The following SLC26A3 variants were observed in gnomAD, a reference collection of about 807,000 sequenced individuals.
SLC26A3 encodes chloride anion exchanger.
Under a neutral mutation model 85.6 loss-of-function variants are expected in SLC26A3, and 64 were observed. The observed-to-expected ratio is 0.75, with a 90% CI of 0.61 to 0.92. The LOEUF is 0.92. Ranked by LOEUF, SLC26A3 falls within the 40% of genes least tolerant of loss-of-function variation. SLC26A3 has a pLI of 0.00. For missense variants in SLC26A3, 922 were observed against 927.3 expected, an observed-to-expected ratio of 0.99 and a Z score of 0.07; for synonymous variants, 349 against 336.0, an observed-to-expected ratio of 1.04 and a Z score of -0.42.
At chr7:107,802,254 G>A (rs377499572) in intron 1 of SLC26A3, among the ~76,000 whole-genome samples, 7 of 151,904 alleles carry the variant, frequency 4.6e-5, no homozygotes, top group Admixed American at 2.0e-4. Flanking sequence ...ATCTTTTCCT[G>A]ACATTTTAAA....
rs386833490 is a variant in SLC26A3 at position 107,786,883 on chromosome 7, G to T, written c.915C>A (p.Tyr305Ter). The change falls in exon 8 of 21, where the codon TAC becomes TAA. Residue 305 changes from tyrosine (Y) to a stop codon, truncating the protein, a stop_gained. Transcript: ENST00000340010. LOFTEE classifies it high-confidence loss of function. ...TAAACCTGTTTTTAAAGTCACAGCCGTAGGATACACCTGCTGCAATCACGG... is the reference window on the plus strand; with the variant it reads ...TAAACCTGTTTTTAAAGTCACAGCCTTAGGATACACCTGCTGCAATCACGG... Reference protein sequence around the residue: ...IMTVIAAGVSYGCDFKNRFKV... With the variant: ...IMTVIAAGVS The T allele has an allele frequency of 1.2e-6, 2 of 1,613,914 alleles. No homozygotes were observed. The highest frequency in any genetic ancestry group is 1.7e-6 in the Non-Finnish European group (2 of 1,180,002).
intron 18 of SLC26A3, among the ~76,000 whole-genome samples, chr7:107,770,177 T>TGA (rs1794000327): frequency 7.8e-5 from 1 of 12,880 alleles, no homozygotes; most frequent in Admixed American, 9.5e-4. Context: ...TTTTTTTTTT[T>TGA]TTTTAAAAAA....
At chr7:107,789,823 G>A (rs1794362782) in intron 5 of SLC26A3, 135 bp from the exon 6 acceptor site, 1 of 914,740 alleles carries the variant, frequency 1.1e-6, no homozygotes, top group Non-Finnish European at 1.7e-6. Context: ...AGAAGCAAAT[G>A]TCCCTGCCTC....
chr7:107,771,715 C>A (rs542003856), intron 18 of SLC26A3, among the ~76,000 whole-genome samples: 1 of 152,206 alleles, frequency 6.6e-6, no homozygotes, highest in Non-Finnish European at 1.5e-5. Flanking sequence ...TGAAGCTCAA[C>A]CAAATTGTTA....
intron 6 of SLC26A3, among the ~76,000 whole-genome samples, chr7:107,788,784 C>CTTTTTTTTTTTT (rs71861759): frequency 8.1e-4 from 88 of 107,986 alleles, no homozygotes; most frequent in Middle Eastern, 5.8e-3. Context: ...TTTTTCTTTT[C>CTTTTTTTTTTTT]TTTTTTTTTT....
chr7:107,800,986 G>A (rs1264382314), intron 1 of SLC26A3, among the ~76,000 whole-genome samples: 1 of 152,172 alleles, frequency 6.6e-6, no homozygotes, highest in African/African-American at 2.4e-5. Flanking sequence ...TTAGAGAAAT[G>A]TTGGGATGCA....
At chr7:107,772,750 C>A (rs1215041010) in intron 17 of SLC26A3, among the ~76,000 whole-genome samples, 1 of 151,232 alleles carries the variant, frequency 6.6e-6, no homozygotes, top group African/African-American at 2.4e-5. Context: ...CTGCTAGAAC[C>A]AAAAAATAAA....
At chr7:107,791,323 C>A in intron 4 of SLC26A3, 88 bp from the exon 5 acceptor site, 1 of 1,407,448 alleles carries the variant, frequency 7.1e-7, no homozygotes, top group Non-Finnish European at 1.0e-6. Context: ...TATAAAATGA[C>A]TGGCAAGGCT....
rs764076141 is a variant in SLC26A3 at position 107,782,972 on chromosome 7, T to G, written c.1233+8A>C. The stretch of plus-strand genomic sequence containing the variant: ...AGGACAGTGCTTGCAGCAAAGATCT[T>G]GACATACCTGTGTTTTGCCTCCTGT... On this transcript the variant is annotated splice_region_variant and intron_variant, in intron 10 of 20. Transcript: ENST00000340010. 6.2e-7 allele frequency: 1 copy of G among 1,613,854 alleles called. No homozygotes were observed.
chr7:107,797,461 T>C (rs1794526589), intron 1 of SLC26A3, among the ~76,000 whole-genome samples: 1 of 151,842 alleles, frequency 6.6e-6, no homozygotes, highest in African/African-American at 2.4e-5. Context: ...GCCCCTGCAC[T>C]CCAGCCTGGG....
At chr7:107,775,553 C>T (rs1422213647) in intron 15 of SLC26A3, among the ~76,000 whole-genome samples, 4 of 151,650 alleles carry the variant, frequency 2.6e-5, no homozygotes, top group Non-Finnish European at 5.9e-5. Flanking sequence ...AGCAAGCCCT[C>T]GTCTCTACAA....
At chr7:107,799,981 A>G (rs578228060) in intron 1 of SLC26A3, among the ~76,000 whole-genome samples, 17 of 152,342 alleles carry the variant, frequency 1.1e-4, no homozygotes, top group Admixed American at 4.6e-4. Context: ...TTGTTTTAAC[A>G]TAGTTTTAAA....
chr7:107,767,554 A>C, intron 20 of SLC26A3, 25 bp downstream of exon 20: 2 of 1,553,816 alleles, frequency 1.3e-6, no homozygotes, highest in South Asian at 2.2e-5. Flanking sequence ...GTCTAGGTGA[A>C]GATAAACCTG....
chr7:107,771,097 G>C (rs1044993672), intron 18 of SLC26A3, among the ~76,000 whole-genome samples: 1 of 151,392 alleles, frequency 6.6e-6, no homozygotes, highest in Middle Eastern at 3.4e-3. Context: ...GAGAGGAAGA[G>C]ACTGATTTAA....
chr7:107,776,557 G>T lies in SLC26A3; in HGVS notation c.1585-13C>A, dbSNP rs1028349211. ...CTGGCTCATACATCTGTAAGGCAGA[G>T]AAGCATTGTTAGGTGTTGCCCATTA... On this transcript the variant is annotated splice_polypyrimidine_tract_variant and intron_variant, in intron 14 of 20. Coordinates refer to ENST00000340010, the MANE Select transcript of SLC26A3 (RefSeq NM_000111.3). 1.9e-6 allele frequency: 3 copies of T among 1,612,068 alleles called. No individual in the cohort carries two copies. Among genetic ancestry groups the T allele is most frequent in the East Asian group, 2.2e-5 (1 of 44,860 alleles).
At chr7:107,772,934 C>T (rs1428820483) in intron 17 of SLC26A3, among the ~76,000 whole-genome samples, 1 of 152,158 alleles carries the variant, frequency 6.6e-6, no homozygotes, top group Non-Finnish European at 1.5e-5. Flanking sequence ...CCAGTTCACC[C>T]ATGCTGAATA....
chr7:107,790,856 G>A (rs1794385044), intron 5 of SLC26A3, among the ~76,000 whole-genome samples, 192 bp downstream of exon 5: 2 of 152,020 alleles, frequency 1.3e-5, no homozygotes, highest in Non-Finnish European at 2.9e-5. Context: ...ATTCGTTTTT[G>A]TACTGTTGAC....
chr7:107,771,920 T>C (rs1794035889), intron 18 of SLC26A3, 134 bp downstream of exon 18: 2 of 707,214 alleles, frequency 2.8e-6, no homozygotes, highest in Non-Finnish European at 5.2e-6. Flanking sequence ...GGGATTTTTA[T>C]TGGGCTGGCT....
rs1347504286 is a variant in SLC26A3, at chr7:107,772,088, C to T, written c.2028G>A (p.Arg676=). The T allele has an allele frequency of 6.2e-7, 1 of 1,611,708 alleles. No homozygotes were observed. The highest frequency in any genetic ancestry group is 8.5e-7 in the Non-Finnish European group (1 of 1,178,014). ...GLKSILQEFI[R]IKVDVYIVGT... ...CAACGATATACACATCTACCTTGAT[C>T]CTGATAAATTCTTGCAAAATCTGTT... The change falls in exon 18 of 21, where the codon AGG becomes AGA. Residue 676 remains arginine, a synonymous_variant. Coordinates refer to ENST00000340010, the MANE Select transcript of SLC26A3 (RefSeq NM_000111.3).
Sources: gnomAD v4.1 joint callset for allele counts (sites outside exome capture counted in the v4.1 genomes callset) on GRCh38, gnomAD v4.1.1 for gene constraint, MANE v1.5 for transcripts, NCBI Gene and HGNC (gene_info 2026-07-23, HGNC 2026-07-21) for gene names.